The following IGDCC3 variants were observed in gnomAD, a reference collection of about 807,000 sequenced individuals.
IGDCC3 encodes immunoglobulin superfamily DCC subclass member 3.
Under a neutral mutation model 72.0 loss-of-function variants are expected in IGDCC3, and 47 were observed. The observed-to-expected ratio is 0.65, with a 90% CI of 0.52 to 0.83. The LOEUF (loss-of-function observed/expected upper bound fraction) is 0.83. Ranked by LOEUF, IGDCC3 falls within the 40% of genes least tolerant of loss-of-function variation. The probability of loss-of-function intolerance (pLI) is 0.00; values close to 1 mark genes in which losing one functional copy is unlikely to be tolerated. For missense variants in IGDCC3, 1,038 were observed against 1,091.3 expected, an observed-to-expected ratio of 0.95 and a Z score of 0.69; for synonymous variants, 477 against 472.8, an observed-to-expected ratio of 1.01 and a Z score of -0.11.
chr15:65,358,597 T>G (rs1032249164), intron 2 of IGDCC3, among the ~76,000 whole-genome samples: 10 of 152,186 alleles, frequency 6.6e-5, no homozygotes, highest in African/African-American at 1.9e-4. Flanking sequence ...AAATGGCACA[T>G]TCAAAAAGCA....
In IGDCC3 at chr15:65,327,924, A is replaced by G. The variant is rs2090933745; in HGVS notation, c.*985T>C. 1 of 152,726 alleles carries G rather than the reference A, an allele frequency of 6.5e-6. No individual in the cohort carries two copies. Among genetic ancestry groups the G allele is most frequent in the South Asian group, 2.1e-4 (1 of 4,836 alleles). The allele number at this position is 152,726 out of a possible 1,614,324, so 9.5% of individuals were successfully genotyped here. ...GCCCAGGTTCCTCATGGGCATCCCC[A>G]TCAAGGATGGGCTGGCTCAAAATGG... On this transcript the variant is annotated 3_prime_UTR_variant, in exon 14 of 14. Coordinates refer to ENST00000327987, the MANE Select transcript of IGDCC3 (RefSeq NM_004884.4).
chr15:65,354,962 G>A (rs139194084), intron 2 of IGDCC3, among the ~76,000 whole-genome samples: 22 of 152,312 alleles, frequency 1.4e-4, no homozygotes, highest in African/African-American at 5.3e-4. Flanking sequence ...TAGTGCTCAG[G>A]AATCGGTGTG....
At position 65,328,801 on chromosome 15, in the gene IGDCC3, C is replaced by G; in HGVS notation, c.*108G>C. The G allele has an allele frequency of 3.0e-6, 4 of 1,352,980 alleles. No individual in the cohort carries two copies. Among genetic ancestry groups the G allele is most frequent in the Non-Finnish European group, 2.9e-6 (3 of 1,027,582 alleles). 83.8% of individuals were successfully genotyped at this position (1,352,980 alleles called of 1,614,324 possible). On this transcript the variant is annotated 3_prime_UTR_variant, in exon 14 of 14. Transcript: ENST00000327987. ...CCAAGAGGCAGTCAGGATAGAAATG[C>G]TGGGGAGCCCCCAGGACCATCCAAA...
intron 5 of IGDCC3, 116 bp downstream of exon 5, chr15:65,334,612 C>A: frequency 1.0e-6 from 1 of 980,562 alleles, no homozygotes; most frequent in Non-Finnish European, 1.4e-6. Context: ...AATGGACCCC[C>A]ACAGAGAACA....
Position 65,334,618 on chromosome 15 carries a change from G to A in IGDCC3, c.823+110C>T. On this transcript the variant is annotated intron_variant, in intron 5 of 13. Coordinates refer to ENST00000327987, the MANE Select transcript of IGDCC3 (RefSeq NM_004884.4). ...CAGGGATAGAATGGACCCCCACAGAGAACAAACAGGATTCCACATTCCCCT... is the reference window on the plus strand; with the variant it reads ...CAGGGATAGAATGGACCCCCACAGAAAACAAACAGGATTCCACATTCCCCT... 9 of 1,031,810 alleles carry A rather than the reference G, an allele frequency of 8.7e-6. No individual in the cohort carries two copies. In the South Asian group the frequency reaches 1.5e-4, roughly 18 times the overall value. The allele number at this position is 1,031,810 out of a possible 1,614,324, so 63.9% of individuals were successfully genotyped here. A position where few individuals can be genotyped will look rare whatever the true frequency, so the allele number is the denominator to read the frequency against.
At chr15:65,345,843 A>G (rs1457825147) in intron 2 of IGDCC3, among the ~76,000 whole-genome samples, 2 of 152,192 alleles carry the variant, frequency 1.3e-5, no homozygotes, top group African/African-American at 4.8e-5. Flanking sequence ...TAACTTGCCC[A>G]TGGTCACACA....
chr15:65,331,055 CCCAGGGTGCTAG>C lies in IGDCC3; in HGVS notation c.1544_1555del (p.Ala515_Leu518del). On this transcript the variant is annotated inframe_deletion, in exon 9 of 14. Transcript: ENST00000327987. ...GCTCCACACCCAGGCCTCACCTTCA[CCCAGGGTGCTAG>C]CTAGGGTGGGCACAGAGGCTGAGCT... The C allele has an allele frequency of 1.2e-6, 2 of 1,613,592 alleles. No individual in the cohort carries two copies. Among genetic ancestry groups the C allele is most frequent in the Non-Finnish European group, 1.7e-6 (2 of 1,179,730 alleles).
At position 65,375,266 on chromosome 15, in the gene IGDCC3, T is replaced by C. The variant is rs1466905890; in HGVS notation, c.240A>G (p.Val80=). ...TGGAGTGGGTACTCTCTGGCAGCTCTACCCCATTCTTCCTCCAGGTGATTC... is the reference window on the plus strand; with the variant it reads ...TGGAGTGGGTACTCTCTGGCAGCTCCACCCCATTCTTCCTCCAGGTGATTC... ...PVRITWRKNG[V]ELPESTHSTL... The change falls in exon 2 of 14, where the codon GTA becomes GTG. Residue 80 remains valine, a synonymous_variant. Transcript: ENST00000327987. 2 of 1,614,188 alleles carry C rather than the reference T, an allele frequency of 1.2e-6. No homozygotes were observed. The highest frequency in any genetic ancestry group is 1.7e-5 in the Admixed American group (1 of 60,016).
At chr15:65,375,506 AC>A (rs1462839237) in intron 1 of IGDCC3, 104 bp from the exon 2 acceptor site, 54 of 822,940 alleles carry the variant, frequency 6.6e-5, no homozygotes, top group Non-Finnish European at 9.4e-5. Flanking sequence ...GGGTCTATGC[AC>A]CCCATCCCCA....
chr15:65,366,098 C>CT (rs2091286895), intron 2 of IGDCC3, among the ~76,000 whole-genome samples: 1 of 151,498 alleles, frequency 6.6e-6, no homozygotes, highest in African/African-American at 2.4e-5. Context: ...GTCCCAGCTA[C>CT]TCGGGAGGCT....
Position 65,331,081 on chromosome 15 carries a change from A to C in IGDCC3, c.1530T>G (p.Ser510=). 2 of 1,614,114 alleles carry C rather than the reference A, an allele frequency of 1.2e-6. No individual in the cohort carries two copies. Among genetic ancestry groups the C allele is most frequent in the Non-Finnish European group, 1.7e-6 (2 of 1,180,004 alleles). Residue 510 remains serine (S), a synonymous_variant, in exon 9 of 14, where the codon TCT becomes TCG. Coordinates refer to ENST00000327987, the MANE Select transcript of IGDCC3 (RefSeq NM_004884.4). ...CCAGGGTGCTAGCTAGGGTGGGCAC[A>C]GAGGCTGAGCTGGCCCCCCTTGGTG... The part of the protein sequence containing the change: ...AYTPRGASSA[S]VPTLASTLGE...
At chr15:65,334,516 C>A (rs2091008417) in intron 5 of IGDCC3, 1 of 544,234 alleles carries the variant, frequency 1.8e-6, no homozygotes, top group South Asian at 2.5e-5. Flanking sequence ...GCCATCCCTG[C>A]AGGGATGAGA....
rs1421283581 is a variant in IGDCC3, at chr15:65,331,230, G to A, written c.1397-16C>T. 19 of 1,612,740 alleles carry A rather than the reference G, an allele frequency of 1.2e-5. No homozygotes were observed. Among genetic ancestry groups the A allele is most frequent in the Non-Finnish European group, 1.4e-5 (17 of 1,179,414 alleles). ...TCCGGTGGGTCTGGAGAGGCACAGGGTGGGCAGGGGAGTGTGAAGGACTGG... is the reference window on the plus strand; with the variant it reads ...TCCGGTGGGTCTGGAGAGGCACAGGATGGGCAGGGGAGTGTGAAGGACTGG... On this transcript the variant is annotated splice_polypyrimidine_tract_variant and intron_variant, in intron 8 of 13. Transcript: ENST00000327987.
At chr15:65,336,068 G>T in intron 2 of IGDCC3, 112 bp from the exon 3 acceptor site, 2 of 1,137,356 alleles carry the variant, frequency 1.8e-6, no homozygotes, top group Non-Finnish European at 2.5e-6. Context: ...TCCATCCAGG[G>T]GCAGGAGTTT....
In IGDCC3 at chr15:65,331,470, C is replaced by T; in HGVS notation, c.1338G>A (p.Glu446=). Residue 446 remains glutamate, a synonymous_variant, in exon 8 of 14, where the codon GAG becomes GAA. Transcript: ENST00000327987. ...TGATCTCCTTGGTGTTGGCCAGCGG[C>T]TCACTCCAGGACACACGCACCTCAG... is the stretch of plus-strand genomic sequence containing the variant. ...SSTEVRVSWS[E]PLANTKEIIG... 1 of 1,613,412 alleles carries T rather than the reference C, an allele frequency of 6.2e-7. No homozygotes were observed. Among genetic ancestry groups the T allele is most frequent in the Non-Finnish European group, 8.5e-7 (1 of 1,179,778 alleles).
At chr15:65,342,700 C>CG (rs967804241) in intron 2 of IGDCC3, among the ~76,000 whole-genome samples, 1 of 152,188 alleles carries the variant, frequency 6.6e-6, no homozygotes, top group Non-Finnish European at 1.5e-5. Flanking sequence ...GCACTCCCCC[C>CG]TCTTGGCCAC....
rs1297394151 is a variant in IGDCC3, at chr15:65,329,141, G to A, written c.2213C>T (p.Pro738Leu). 1 of 1,605,446 alleles carries A rather than the reference G, an allele frequency of 6.2e-7. No individual in the cohort carries two copies. The highest frequency in any genetic ancestry group is 1.1e-5 in the South Asian group (1 of 89,914). The change falls in exon 14 of 14, where the codon CCT becomes CTT. Residue 738 changes from proline (P) to leucine (L), a missense_variant. By Grantham distance (98) the Pro-to-Leu change is moderately conservative. Coordinates refer to ENST00000327987, the MANE Select transcript of IGDCC3 (RefSeq NM_004884.4). This position sits in a 1 kb window ranked among gnomAD's most constrained non-coding sequence, Gnocchi z 4.1. ...CTCCTCACACGGAGCGGGGGCTGCA[G>A]GATCCTGCTGGGGAAAGAGCCCGTC... The part of the protein sequence containing the change: ...GQPDPRPTQD[P>L]AAPAPCEETQ...
intron 2 of IGDCC3, 121 bp from the exon 3 acceptor site, chr15:65,336,077 T>C: frequency 9.8e-7 from 1 of 1,023,080 alleles, no homozygotes; most frequent in Non-Finnish European, 1.5e-6. Context: ...GGGCAGGAGT[T>C]TTCCTGCAAG....
rs546460964 is a variant in IGDCC3 at position 65,332,003 on chromosome 15, C to T, written c.1086G>A (p.Thr362=). The T allele has an allele frequency of 3.7e-6, 6 of 1,614,180 alleles. No homozygotes were observed. Among genetic ancestry groups the T allele is most frequent in the South Asian group, 2.2e-5 (2 of 91,074 alleles). ...QAQGEPPPHV[T]WLKNGQVLGP... is the part of the protein sequence containing the mutation. Reference sequence around the variant, plus strand: ...CCAGCACCTGTCCATTTTTCAGCCACGTGACATGAGGCGGTGGCTCACCCT... The same window carrying T: ...CCAGCACCTGTCCATTTTTCAGCCATGTGACATGAGGCGGTGGCTCACCCT... The change falls in exon 7 of 14, where the codon ACG becomes ACA. Residue 362 remains threonine, a synonymous_variant. Coordinates refer to ENST00000327987, the MANE Select transcript of IGDCC3 (RefSeq NM_004884.4).
Sources: gnomAD v4.1 joint callset for allele counts (sites outside exome capture counted in the v4.1 genomes callset) on GRCh38, gnomAD v4.1.1 for gene constraint, Gnocchi (gnomAD v3.1) non-coding constraint, MANE v1.5 for transcripts, NCBI Gene and HGNC (gene_info 2026-07-23, HGNC 2026-07-21) for gene names.